Variants in NBAS observed in about 807,000 individuals in gnomAD.
NBAS encodes NAG/BC035112 fusion.
In NBAS, 219 loss-of-function variants were observed where a neutral mutation model predicts 302.5. The observed-to-expected ratio is 0.72, with a 90% CI of 0.65 to 0.81. The LOEUF (loss-of-function observed/expected upper bound fraction) is 0.81, where lower values mean the gene tolerates loss of function less well. Ranked by LOEUF, NBAS falls within the 30% of genes least tolerant of loss-of-function variation. The pLI is 0.00. For missense variants in NBAS, 2,932 were observed against 2,841.6 expected (o/e 1.03, Z -0.72); for synonymous variants, 1,118 against 1,021.6 (o/e 1.09, Z -1.80).
At chr2:14,916,899 G>A in the NBAS span, among the ~76,000 whole-genome samples, 4 of 152,190 alleles carry the variant, frequency 2.6e-5, no homozygotes, top group Admixed American at 6.5e-5. Context: ...TCCATAAGGT[G>A]GGCCAGATTG....
chr2:15,398,215 C>T (rs921508712), intron 26 of NBAS, among the ~76,000 whole-genome samples: 4 of 152,094 alleles, frequency 2.6e-5, no homozygotes, highest in Non-Finnish European at 5.9e-5. Context: ...AGGATCATGG[C>T]TCACTGCAAC....
intron 48 of NBAS, among the ~76,000 whole-genome samples, chr2:15,208,169 C>T (rs1666232469): frequency 6.6e-6 from 1 of 152,074 alleles, no homozygotes; most frequent in Admixed American, 6.6e-5. Context: ...TTCCATGTGG[C>T]TGGGAAGGCC....
rs534585400 is a variant in NBAS, at chr2:15,352,746, A to C, written c.4090-665T>G. ...TGCCCTCACAGGTCATACGCCAGTG[A>C]AACTCCACCATTTTGCCTCTTAGTG... On this transcript the variant is annotated intron_variant, in intron 34 of 51. Coordinates refer to ENST00000281513, the MANE Select transcript of NBAS (RefSeq NM_015909.4). 5.3e-5 allele frequency among the ~76,000 whole-genome samples: 8 copies of C among 152,250 alleles called. No individual in the cohort carries two copies. In the South Asian group the frequency reaches 1.7e-3, roughly 32 times the overall value.
At chr2:15,440,301 T>A (rs989585467) in intron 21 of NBAS, among the ~76,000 whole-genome samples, 9 of 152,110 alleles carry the variant, frequency 5.9e-5, no homozygotes, top group Non-Finnish European at 1.3e-4. Context: ...GGTACTCCGC[T>A]GAGACAAAAC....
the NBAS span, among the ~76,000 whole-genome samples, chr2:14,795,620 T>C: frequency 0.011 from 1,700 of 152,334 alleles, 39 homozygotes; most frequent in African/African-American, 0.039. Context: ...CTTGGTGTTA[T>C]ATCAAAAAGA....
At chr2:15,133,601 C>T in the NBAS span, among the ~76,000 whole-genome samples, 2 of 152,124 alleles carry the variant, frequency 1.3e-5, no homozygotes, top group Non-Finnish European at 2.9e-5. Context: ...GTGGTTGATG[C>T]TACAATGGGC....
chr2:14,962,856 T>C, the NBAS span, among the ~76,000 whole-genome samples: 1 of 151,794 alleles, frequency 6.6e-6, no homozygotes, highest in Admixed American at 6.6e-5. Flanking sequence ...AAGTTGCTGT[T>C]GCAAAAGGGG....
chr2:15,186,356 C>T (rs542196654), intron 50 of NBAS, among the ~76,000 whole-genome samples: 155 of 152,128 alleles, frequency 1.0e-3, no homozygotes, highest in African/African-American at 3.6e-3. Flanking sequence ...ATGTAAAATT[C>T]AAAGTGGTTG....
chr2:15,302,750 T>C (rs1271069873), intron 40 of NBAS, among the ~76,000 whole-genome samples: 1 of 152,152 alleles, frequency 6.6e-6, no homozygotes, highest in Non-Finnish European at 1.5e-5. Flanking sequence ...CAAAGAAGGT[T>C]AACATTTGAG....
intron 51 of NBAS, among the ~76,000 whole-genome samples, chr2:15,170,848 C>G (rs1321293640): frequency 1.3e-5 from 2 of 152,192 alleles, no homozygotes; most frequent in African/African-American, 4.8e-5. Context: ...AGGTCATAGA[C>G]AGCCAAGATG....
chr2:15,141,934 T>C, the NBAS span, among the ~76,000 whole-genome samples: 2 of 152,320 alleles, frequency 1.3e-5, no homozygotes, highest in East Asian at 3.9e-4. Flanking sequence ...AGAGAAATAA[T>C]GAGCTCTTGA....
At chr2:15,146,744 C>T in the NBAS span, among the ~76,000 whole-genome samples, 1 of 152,104 alleles carries the variant, frequency 6.6e-6, no homozygotes, top group Non-Finnish European at 1.5e-5. Context: ...AGGTCTGGCC[C>T]CTATCCCCGT....
intron 44 of NBAS, among the ~76,000 whole-genome samples, chr2:15,260,034 T>C (rs1490121262): frequency 6.6e-6 from 1 of 152,250 alleles, no homozygotes; most frequent in African/African-American, 2.4e-5. Flanking sequence ...AGATGTGTTC[T>C]TGTATGTTTT....
chr2:15,178,192 G>T, intron 51 of NBAS: 3 of 469,382 alleles, frequency 6.4e-6, no homozygotes, highest in Non-Finnish European at 1.3e-5. Context: ...TAGCATGCAT[G>T]TGTATATATA....
At chr2:14,868,581 G>C in the NBAS span, among the ~76,000 whole-genome samples, 1 of 152,144 alleles carries the variant, frequency 6.6e-6, no homozygotes, top group African/African-American at 2.4e-5. Flanking sequence ...TGTAGGCACG[G>C]ACGGAATTTT....
At chr2:15,521,763 G>A (rs1356107922) in intron 9 of NBAS, among the ~76,000 whole-genome samples, 4 of 152,160 alleles carry the variant, frequency 2.6e-5, no homozygotes, top group Non-Finnish European at 5.9e-5. Flanking sequence ...GAGTTATCTA[G>A]ACCAGGAGCC....
the NBAS span, chr2:14,886,610 G>A: frequency 6.6e-6 from 1 of 152,326 alleles, no homozygotes; most frequent in East Asian, 1.9e-4. Context: ...TGCACCTGCA[G>A]ATGTTATCAA....
At chr2:14,994,654 A>G in the NBAS span, among the ~76,000 whole-genome samples, 3 of 152,174 alleles carry the variant, frequency 2.0e-5, no homozygotes, top group African/African-American at 7.2e-5. Context: ...CGGGCATGCC[A>G]GAGCCTCTAG....
the NBAS span, among the ~76,000 whole-genome samples, chr2:15,157,925 T>C: frequency 3.9e-5 from 6 of 152,192 alleles, no homozygotes; most frequent in African/African-American, 1.4e-4. Flanking sequence ...AGGCCAAGCA[T>C]GCGCCTTGTA....
Sources: gnomAD v4.1 joint callset for allele counts (sites outside exome capture counted in the v4.1 genomes callset) on GRCh38, gnomAD v4.1.1 for gene constraint, MANE v1.5 for transcripts, NCBI Gene and HGNC (gene_info 2026-07-23, HGNC 2026-07-21) for gene names.